The following FANCE variants were observed in gnomAD, a reference collection of about 807,000 sequenced individuals.
FANCE encodes Fanconi anemia group E protein.
Under a neutral mutation model 57.8 loss-of-function variants are expected in FANCE, and 42 were observed. The observed-to-expected ratio is 0.73, with a 90% confidence interval of 0.57 to 0.94. FANCE has a LOEUF of 0.94. Among genes scored for constraint, FANCE ranks in the 40% least tolerant of loss-of-function variants. The pLI is 0.00. For synonymous variants in FANCE, 251 were observed against 286.4 expected (o/e 0.88, Z 1.25); for missense variants, 608 against 661.8 (o/e 0.92, Z 0.89).
At chr6:35,462,138 C>G (rs1309567774) in intron 8 of FANCE, among the ~76,000 whole-genome samples, 1 of 151,250 alleles carries the variant, frequency 6.6e-6, no homozygotes, top group Non-Finnish European at 1.5e-5. Context: ...GACGGAGTCT[C>G]ACTCTATCAC....
At chr6:35,454,812 A>C (rs535061719) in intron 1 of FANCE, among the ~76,000 whole-genome samples, 1 of 152,238 alleles carries the variant, frequency 6.6e-6, no homozygotes, top group Non-Finnish European at 1.5e-5. Flanking sequence ...TTCTGTTTCA[A>C]GTTTCATCTC....
chr6:35,465,661 G>A lies in FANCE; in HGVS notation c.1510-583G>A, dbSNP rs45495797. Reference sequence around the variant, plus strand: ...AGCTCCTGAATCCTCTGGAGATCTAGGCAGAAGGACCTCCAATGTGAGGCA... The same window carrying A: ...AGCTCCTGAATCCTCTGGAGATCTAAGCAGAAGGACCTCCAATGTGAGGCA... On this transcript the variant is annotated intron_variant, in intron 9 of 9. Coordinates refer to ENST00000229769, the MANE Select transcript of FANCE (RefSeq NM_021922.3). Among the ~76,000 whole-genome samples the A allele has an allele frequency of 5.0e-4, 76 of 152,306 alleles. 1 individual carries two copies. In the South Asian group the frequency reaches 0.01, roughly 20 times the overall value.
chr6:35,452,963 G>A (rs1767172425), intron 1 of FANCE, among the ~76,000 whole-genome samples, 170 bp downstream of exon 1: 1 of 152,220 alleles, frequency 6.6e-6, no homozygotes, highest in African/African-American at 2.4e-5. Context: ...GAGGATCCGG[G>A]AACTCGAGGC....
Position 35,452,400 on chromosome 6 carries a change from C to T in FANCE, c.-146C>T, listed in dbSNP as rs1663455965. The T allele has an allele frequency of 5.5e-6, 5 of 915,100 alleles. No individual in the cohort carries two copies. In the South Asian group the frequency reaches 2.8e-4, roughly 51 times the overall value. 56.7% of individuals were successfully genotyped at this position (915,100 alleles called of 1,614,324 possible). A position where few individuals can be genotyped will look rare whatever the true frequency, so the allele number is the denominator to read the frequency against. ...CGGGCGGCCGGGTTTCTCCGGTCTCCCAACGCCGAGGAGAGCTTGTAACAG... is the reference window on the plus strand; with the variant it reads ...CGGGCGGCCGGGTTTCTCCGGTCTCTCAACGCCGAGGAGAGCTTGTAACAG... On this transcript the variant is annotated 5_prime_UTR_variant, in exon 1 of 10. Coordinates refer to ENST00000229769, the MANE Select transcript of FANCE (RefSeq NM_021922.3).
At position 35,457,518 on chromosome 6, in the gene FANCE, G is replaced by C. The variant is rs200045018; in HGVS notation, c.856-38G>C. ...AACCGGGCTTGGGGTCATGCTGCAG[G>C]GGGAGGGACGTAGCAGTGACTGGGC... On this transcript the variant is annotated intron_variant, in intron 2 of 9. Transcript: ENST00000229769. 350 of 1,612,234 alleles carry C rather than the reference G, an allele frequency of 2.2e-4. 1 individual carries two copies. In the African/African-American group the frequency reaches 3.7e-3, roughly 17 times the overall value.
chr6:35,465,860 T>A (rs1019183186), intron 9 of FANCE, among the ~76,000 whole-genome samples: 1 of 152,180 alleles, frequency 6.6e-6, no homozygotes. Flanking sequence ...AAAAGGAAGG[T>A]AGCTGTCACA....
rs1298891621 is a variant in FANCE, at chr6:35,467,059, T to C, written c.*714T>C. 4.7e-6 allele frequency: 1 copy of C among 212,584 alleles called. No individual in the cohort carries two copies. Among genetic ancestry groups the C allele is most frequent in the Admixed American group, 5.9e-5 (1 of 17,016 alleles). 13.2% of individuals were successfully genotyped at this position (212,584 alleles called of 1,614,324 possible). On this transcript the variant is annotated 3_prime_UTR_variant, in exon 10 of 10. Transcript: ENST00000229769. ...GACCTTCTGTGTTTTTGTTTCTGAC[T>C]TGAATAATTTATCAATGGTGTTGAA...
chr6:35,458,135 T>G, intron 4 of FANCE, 151 bp downstream of exon 4: 1 of 1,231,336 alleles, frequency 8.1e-7, no homozygotes, highest in South Asian at 1.2e-5. Flanking sequence ...CTGTGTAGTA[T>G]CTTTTAGCCC....
chr6:35,452,556 C>G lies in FANCE; in HGVS notation c.11C>G (p.Pro4Arg), dbSNP rs1767145937. 1.5e-6 allele frequency: 2 copies of G among 1,326,808 alleles called. No homozygotes were observed. Among genetic ancestry groups the G allele is most frequent in the African/African-American group, 3.0e-5 (2 of 66,380 alleles). The allele number at this position is 1,326,808 out of a possible 1,614,324, so 82.2% of individuals were successfully genotyped here. ...CACCCGTGCCCCGGCATGGCGACAC[C>G]GGACGCGGGGCTCCCTGGGGCTGAG... MAT[P>R]DAGLPGAEGV... Residue 4 changes from proline to arginine, a missense_variant, in exon 1 of 10, where the codon CCG becomes CGG. Transcript: ENST00000229769.
At chr6:35,457,323 G>T (rs947513962) in intron 2 of FANCE, among the ~76,000 whole-genome samples, 1 of 151,992 alleles carries the variant, frequency 6.6e-6, no homozygotes. Context: ...TAGAGATGGG[G>T]TCTCAACTAG....
In FANCE at chr6:35,462,921, A is replaced by G. The variant is rs1021695027; in HGVS notation, c.1509+7A>G. 1.5e-5 allele frequency: 25 copies of G among 1,614,092 alleles called. No homozygotes were observed. Among genetic ancestry groups the G allele is most frequent in the Non-Finnish European group, 2.0e-5 (24 of 1,179,972 alleles). Reference sequence around the variant, plus strand: ...GACCAAGTATCAGGCTAACGTGAGTATTGATAGGGCCTTGGGGCTGGTCCT... The same window carrying G: ...GACCAAGTATCAGGCTAACGTGAGTGTTGATAGGGCCTTGGGGCTGGTCCT... On this transcript the variant is annotated splice_region_variant and intron_variant, in intron 9 of 9. Coordinates refer to ENST00000229769, the MANE Select transcript of FANCE (RefSeq NM_021922.3).
chr6:35,452,531 C>A lies in FANCE; in HGVS notation c.-15C>A. The stretch of plus-strand genomic sequence containing the variant: ...CACACCAGAGTAGGGGGCGGCGCGG[C>A]ACCCGTGCCCCGGCATGGCGACACC... On this transcript the variant is annotated 5_prime_UTR_variant, in exon 1 of 10. Coordinates refer to ENST00000229769, the MANE Select transcript of FANCE (RefSeq NM_021922.3). 7.7e-7 allele frequency: 1 copy of A among 1,294,310 alleles called. No individual in the cohort carries two copies. The highest frequency in any genetic ancestry group is 9.8e-7 in the Non-Finnish European group (1 of 1,018,824). The allele number at this position is 1,294,310 out of a possible 1,614,324, so 80.2% of individuals were successfully genotyped here. A position where few individuals can be genotyped will look rare whatever the true frequency, so the allele number is the denominator to read the frequency against.
intron 9 of FANCE, among the ~76,000 whole-genome samples, chr6:35,464,482 C>G (rs1211936243): frequency 6.6e-6 from 1 of 151,610 alleles, no homozygotes; most frequent in Non-Finnish European, 1.5e-5. Context: ...TGTGATCTGT[C>G]CGCCTTGGCC....
rs924383249 is a variant in FANCE, at chr6:35,452,640, C to T, written c.95C>T (p.Ala32Val). ...LEAPARLLLQALQAGPEGARR... is the reference protein window; with the variant it reads ...LEAPARLLLQVLQAGPEGARR... Reference sequence around the variant, plus strand: ...GCCCCCGCCCGCCTCCTGCTGCAGGCGCTGCAGGCGGGGCCTGAGGGGGCG... The same window carrying T: ...GCCCCCGCCCGCCTCCTGCTGCAGGTGCTGCAGGCGGGGCCTGAGGGGGCG... The change falls in exon 1 of 10, where the codon GCG (alanine) becomes GTG (valine). Residue 32 changes from alanine to valine, a missense_variant. By Grantham distance (64) the Ala-to-Val change is moderately conservative (BLOSUM62 0). Coordinates refer to ENST00000229769, the MANE Select transcript of FANCE (RefSeq NM_021922.3). 1 of 1,256,972 alleles carries T rather than the reference C, an allele frequency of 8.0e-7. No individual in the cohort carries two copies. Among genetic ancestry groups the T allele is most frequent in the Non-Finnish European group, 1.0e-6 (1 of 1,004,618 alleles). 77.9% of individuals were successfully genotyped at this position (1,256,972 alleles called of 1,614,324 possible). A position where few individuals can be genotyped will look rare whatever the true frequency, so the allele number is the denominator to read the frequency against.
intron 9 of FANCE, among the ~76,000 whole-genome samples, chr6:35,464,250 T>G (rs1288610180): frequency 6.8e-6 from 1 of 146,132 alleles, no homozygotes; most frequent in Non-Finnish European, 1.5e-5. Context: ...TTTTTTTTTT[T>G]TTTTTTGAGA....
chr6:35,460,390 A>G (rs369258192), intron 7 of FANCE, among the ~76,000 whole-genome samples, 162 bp from the exon 8 acceptor site: 74 of 152,314 alleles, frequency 4.9e-4, no homozygotes, highest in African/African-American at 1.7e-3. Flanking sequence ...TGCTGGGATT[A>G]CAGGTGTGAG....
chr6:35,455,712 A>C (rs7757405), intron 1 of FANCE, 35 bp from the exon 2 acceptor site: 3 of 1,611,358 alleles, frequency 1.9e-6, no homozygotes, highest in Non-Finnish European at 2.5e-6. Flanking sequence ...CCTTCAGCCA[A>C]ACACTTAACT....
chr6:35,459,867 G>A, intron 7 of FANCE, 107 bp downstream of exon 7: 2 of 929,276 alleles, frequency 2.2e-6, no homozygotes, highest in Non-Finnish European at 1.8e-6. Flanking sequence ...TCTCTAGGAA[G>A]CCTTATGTGT....
intron 8 of FANCE, among the ~76,000 whole-genome samples, chr6:35,461,899 G>A (rs892256529): frequency 1.3e-5 from 2 of 151,604 alleles, no homozygotes; most frequent in Non-Finnish European, 2.9e-5. Flanking sequence ...CACCGGCCTC[G>A]GCCTTCCAAA....
Sources: allele counts gnomAD v4.1 joint callset (sites outside exome capture counted in the v4.1 genomes callset), GRCh38; gene constraint gnomAD v4.1.1; transcripts MANE v1.5; gene names NCBI Gene and HGNC (gene_info 2026-07-23, HGNC 2026-07-21).